The following SNAP47 variants were observed in gnomAD, a reference collection of about 807,000 sequenced individuals.
SNAP47 encodes the protein synaptosomal-associated protein 47.
A neutral mutation model predicts 31.4 loss-of-function variants in SNAP47; 20 were observed. The ratio of observed to expected loss-of-function variants is 0.64; its 90% CI spans 0.45 to 0.93. SNAP47 has a LOEUF of 0.93. SNAP47 is among the 40% of genes least tolerant of loss of function. SNAP47 has a pLI of 0.00. For synonymous variants in SNAP47, 194 were observed against 213.4 expected, an observed-to-expected ratio of 0.91 and a Z score of 0.79; for missense variants, 492 against 528.5, an observed-to-expected ratio of 0.93 and a Z score of 0.68.
At position 227,760,038 on chromosome 1, in the gene SNAP47, G is replaced by A. The variant is rs538098423; in HGVS notation, c.988+553G>A. On this transcript the variant is annotated intron_variant, in intron 3 of 4. Transcript: ENST00000617596. ...CACGAGAGCCCTTGGTGGAAGCCAG[G>A]GCATGCCCTTGGACTTCCCAGCCCA... 2.6e-5 allele frequency among the ~76,000 whole-genome samples: 4 copies of A among 152,308 alleles called. No homozygotes were observed. In the South Asian group the frequency reaches 8.3e-4, roughly 32 times the overall value.
rs948206034 is a variant in SNAP47, at chr1:227,762,298, G to A, written c.988+2813G>A. On this transcript the variant is annotated intron_variant, in intron 3 of 4. Coordinates refer to ENST00000617596, the MANE Select transcript of SNAP47 (RefSeq NM_053052.4). This position sits in a 1 kb window ranked among gnomAD's most constrained non-coding sequence, Gnocchi z 4.2. The stretch of plus-strand genomic sequence containing the variant: ...GGGGGCAGCTGTGCCTCCAGAGGGT[G>A]TTCTTGAAGAGGCTCCATGCAGGGG... 1.3e-5 allele frequency among the ~76,000 whole-genome samples: 2 copies of A among 152,228 alleles called. No homozygotes were observed. The highest frequency in any genetic ancestry group is 4.8e-5 in the African/African-American group (2 of 41,450).
Position 227,763,869 on chromosome 1 carries a change from C to T in SNAP47, c.989-3090C>T, listed in dbSNP as rs1272667206. On this transcript the variant is annotated intron_variant, in intron 3 of 4. Transcript: ENST00000617596. This position sits in a 1 kb window ranked among gnomAD's most constrained non-coding sequence, Gnocchi z 4.2. ...AGACAGACAGGCTGGTGGCCCAGGT[C>T]CCCGCTCCCAGGCAGGTGCAGGCAG... is the stretch of plus-strand genomic sequence containing the variant. Among the ~76,000 whole-genome samples the T allele has an allele frequency of 6.6e-6, 1 of 152,178 alleles. No individual in the cohort carries two copies. The highest frequency in any genetic ancestry group is 2.4e-5 in the African/African-American group (1 of 41,450).
chr1:227,747,117 G>A (rs2102915189), intron 1 of SNAP47: 1 of 152,988 alleles, frequency 6.5e-6, no homozygotes, highest in Admixed American at 6.5e-5. Flanking sequence ...CAGTTCTGTA[G>A]AACGCTATAA....
intron 4 of SNAP47, among the ~76,000 whole-genome samples, chr1:227,779,918 G>A (rs181609557): frequency 1.6e-3 from 247 of 152,240 alleles, no homozygotes; most frequent in African/African-American, 5.7e-3. Flanking sequence ...CTGCTGGGCC[G>A]GGGACCATCT....
Position 227,747,835 on chromosome 1 carries a change from G to T in SNAP47, c.99G>T (p.Ser33=). The change falls in exon 2 of 5, where the codon TCG becomes TCT. Residue 33 remains serine (S), a synonymous_variant. Transcript: ENST00000617596. ...VTGQLSLTSL[S]LRFMTDSTGE... is the part of the protein sequence containing the mutation. Reference sequence around the variant, plus strand: ...GACAGCTGTCCTTAACATCGCTGTCGCTCAGGTTCATGACTGACAGCACTG... The same window carrying T: ...GACAGCTGTCCTTAACATCGCTGTCTCTCAGGTTCATGACTGACAGCACTG... The T allele has an allele frequency of 6.2e-7, 1 of 1,614,162 alleles. No individual in the cohort carries two copies. Among genetic ancestry groups the T allele is most frequent in the African/African-American group, 1.3e-5 (1 of 75,040 alleles).
intron 2 of SNAP47, among the ~76,000 whole-genome samples, chr1:227,758,098 T>C (rs1272944641): frequency 6.6e-6 from 1 of 152,184 alleles, no homozygotes; most frequent in African/African-American, 2.4e-5. Context: ...GACAGAGCTT[T>C]GTGAAAACAG....
At position 227,780,970 on chromosome 1, in the gene SNAP47, G is replaced by A. The variant is rs146464689; in HGVS notation, c.*297G>A. 17 of 400,804 alleles carry A rather than the reference G, an allele frequency of 4.2e-5. No homozygotes were observed. Among genetic ancestry groups the A allele is most frequent in the Non-Finnish European group, 3.6e-5 (8 of 219,916 alleles). The allele number at this position is 400,804 out of a possible 1,614,324, so 24.8% of individuals were successfully genotyped here. ...ACTTGGCACAGGCCTGGAAGAGGCC[G>A]CCCTCGTCTTGTCTCGGCTCCCTTT... On this transcript the variant is annotated 3_prime_UTR_variant, in exon 5 of 5. Coordinates refer to ENST00000617596, the MANE Select transcript of SNAP47 (RefSeq NM_053052.4).
At chr1:227,749,226 G>C (rs527950991) in intron 2 of SNAP47, among the ~76,000 whole-genome samples, 1 of 150,774 alleles carries the variant, frequency 6.6e-6, no homozygotes, top group Non-Finnish European at 1.5e-5. Flanking sequence ...TTCCTAAGAT[G>C]GTGTGTGTGG....
chr1:227,756,323 C>T (rs889203118), intron 2 of SNAP47, among the ~76,000 whole-genome samples: 6 of 152,336 alleles, frequency 3.9e-5, no homozygotes, highest in South Asian at 2.1e-4. Flanking sequence ...GATTGTGTAA[C>T]GCGACTCACA....
intron 4 of SNAP47, among the ~76,000 whole-genome samples, chr1:227,772,322 G>A (rs1217724159): frequency 6.6e-6 from 1 of 151,964 alleles, no homozygotes; most frequent in African/African-American, 2.4e-5. Context: ...TGTGAGACAC[G>A]AACCCACGTT....
In SNAP47 at chr1:227,759,060, C is replaced by T. The variant is rs767809987; in HGVS notation, c.563C>T (p.Pro188Leu). ...AGCTCCAAGCTTTGGAAGACACCAC[C>T]GGAAACAAAGCCCAGGGAAGATGTC... is the stretch of plus-strand genomic sequence containing the variant. ...PFSSKLWKTPPETKPREDVSM... is the reference protein window; with the variant it reads ...PFSSKLWKTPLETKPREDVSM... The change falls in exon 3 of 5, where the codon CCG becomes CTG. Residue 188 changes from proline to leucine, a missense_variant. Coordinates refer to ENST00000617596, the MANE Select transcript of SNAP47 (RefSeq NM_053052.4). 34 of 1,613,890 alleles carry T rather than the reference C, an allele frequency of 2.1e-5. No homozygotes were observed. Among genetic ancestry groups the T allele is most frequent in the Non-Finnish European group, 2.5e-5 (30 of 1,179,990 alleles).
chr1:227,753,950 G>T (rs1242734045), intron 2 of SNAP47, among the ~76,000 whole-genome samples: 2 of 152,184 alleles, frequency 1.3e-5, no homozygotes, highest in African/African-American at 4.8e-5. Context: ...CCATCTGTAG[G>T]TGGCTTGTGT....
chr1:227,728,284 G>T (rs1416132653), upstream of SNAP47, among the ~76,000 whole-genome samples: 1 of 152,158 alleles, frequency 6.6e-6, no homozygotes. Flanking sequence ...GGAACACAAG[G>T]GTAGGGAAGG....
chr1:227,753,445 G>A (rs1239124128), intron 2 of SNAP47, among the ~76,000 whole-genome samples: 1 of 152,168 alleles, frequency 6.6e-6, no homozygotes, highest in African/African-American at 2.4e-5. Context: ...TGCCGGGTCT[G>A]TCCTACACAT....
In SNAP47 at chr1:227,780,768, TC is replaced by T; in HGVS notation, c.*97del. The T allele has an allele frequency of 6.5e-7, 1 of 1,531,820 alleles. No individual in the cohort carries two copies. The highest frequency in any genetic ancestry group is 1.2e-5 in the South Asian group (1 of 81,168). 94.9% of individuals were successfully genotyped at this position (1,531,820 alleles called of 1,614,324 possible). ...CCAGGGCTGCAGAGGCCTGTGGCCC[TC>T]CGGAGTGGTCTTCCTCTGGATGGGG... is the stretch of plus-strand genomic sequence containing the variant. On this transcript the variant is annotated 3_prime_UTR_variant, in exon 5 of 5. Transcript: ENST00000617596.
At chr1:227,747,577 C>A in intron 1 of SNAP47, 115 bp from the exon 2 acceptor site, 1 of 1,047,012 alleles carries the variant, frequency 9.6e-7, no homozygotes. Context: ...GAGAGTCAGC[C>A]ACGTGCTGCA....
intron 1 of SNAP47, 52 bp downstream of exon 1, chr1:227,735,551 G>C (rs1661072513): frequency 7.4e-7 from 1 of 1,355,712 alleles, no homozygotes; most frequent in African/African-American, 1.5e-5. Flanking sequence ...AAGCCGTAGC[G>C]TCCGCCCTCG....
At chr1:227,772,203 TGTG>T (rs1663860248) in intron 4 of SNAP47, among the ~76,000 whole-genome samples, 1 of 152,220 alleles carries the variant, frequency 6.6e-6, no homozygotes, top group African/African-American at 2.4e-5. Flanking sequence ...TTTTAAAAAT[TGTG>T]GTGAAATATA....
chr1:227,736,801 T>C (rs189157406), intron 1 of SNAP47, among the ~76,000 whole-genome samples: 85 of 148,732 alleles, frequency 5.7e-4, no homozygotes, highest in African/African-American at 2.0e-3. Context: ...GGATTACAGG[T>C]GTGAGCCACT....
Sources: allele counts gnomAD v4.1 joint callset (sites outside exome capture counted in the v4.1 genomes callset), GRCh38; gene constraint gnomAD v4.1.1; non-coding constraint Gnocchi (gnomAD v3.1); transcripts MANE v1.5; gene names NCBI Gene and HGNC (gene_info 2026-07-23, HGNC 2026-07-21).